The following TTC29 variants were observed in gnomAD, a reference collection of about 807,000 sequenced individuals.
TTC29 encodes the protein tetratricopeptide repeat protein 29.
In TTC29, 49 loss-of-function variants were observed where a neutral mutation model predicts 58.1. The ratio of observed to expected loss-of-function variants is 0.84; its 90% CI spans 0.67 to 1.07. The LOEUF (loss-of-function observed/expected upper bound fraction) is 1.07, where lower values mean the gene tolerates loss of function less well. TTC29 is among the 50% of genes least tolerant of loss of function. The pLI is 0.00. For missense variants in TTC29, 582 were observed against 555.6 expected (o/e 1.05, Z -0.48); for synonymous variants, 209 against 196.8 (o/e 1.06, Z -0.52).
At position 146,922,022 on chromosome 4, in the gene TTC29, AAAAAAAAAG is replaced by A. The variant is rs1055165555; in HGVS notation, c.177-12782_177-12774del. 1.1e-4 allele frequency among the ~76,000 whole-genome samples: 16 copies of A among 149,898 alleles called. No homozygotes were observed. The East Asian group carries it at 1.9e-3, about 18-fold the overall frequency. ...ATCCTGGATCCCCTACAAAAAAAAA[AAAAAAAAAG>A]AAAGAAAGAAAACACCAAAAACTAC... is the stretch of plus-strand genomic sequence containing the variant. On this transcript the variant is annotated intron_variant, in intron 4 of 12. Coordinates refer to ENST00000325106, the MANE Select transcript of TTC29 (RefSeq NM_031956.4).
At chr4:146,844,514 T>A (rs944244570) in intron 8 of TTC29, among the ~76,000 whole-genome samples, 2 of 152,104 alleles carry the variant, frequency 1.3e-5, no homozygotes, top group African/African-American at 4.8e-5. Flanking sequence ...GAAAGAAAAA[T>A]TTCCTAGCTC....
At chr4:146,817,839 T>C (rs1320761173) in intron 10 of TTC29, among the ~76,000 whole-genome samples, 1 of 152,108 alleles carries the variant, frequency 6.6e-6, no homozygotes, top group Admixed American at 6.5e-5. Context: ...GGGAAAGGAT[T>C]CCCTATTTAA....
intron 8 of TTC29, among the ~76,000 whole-genome samples, chr4:146,857,761 T>C (rs947911332): frequency 1.6e-5 from 2 of 123,262 alleles, no homozygotes; most frequent in Admixed American, 1.7e-4. Context: ...TTCTGTTTAA[T>C]GGGCAATGAG....
chr4:146,806,805 C>T (rs538873781), intron 10 of TTC29, among the ~76,000 whole-genome samples: 12 of 152,166 alleles, frequency 7.9e-5, no homozygotes, highest in Admixed American at 3.3e-4. Flanking sequence ...TTTAACACCC[C>T]ACTGTCAATA....
chr4:146,708,568 C>A (rs1234223515), intron 11 of TTC29, among the ~76,000 whole-genome samples: 1 of 150,096 alleles, frequency 6.7e-6, no homozygotes, highest in Non-Finnish European at 1.5e-5. Flanking sequence ...TGTTACTTAA[C>A]TTTAACTTTC....
intron 4 of TTC29, among the ~76,000 whole-genome samples, chr4:146,913,085 T>G (rs1211894948): frequency 6.6e-6 from 1 of 151,968 alleles, no homozygotes; most frequent in Non-Finnish European, 1.5e-5. Flanking sequence ...AGAAGGCAGT[T>G]TGGGGGGTGA....
chr4:146,780,310 T>G (rs796363236), intron 11 of TTC29, among the ~76,000 whole-genome samples: 1 of 127,332 alleles, frequency 7.9e-6, no homozygotes, highest in African/African-American at 4.1e-5. Context: ...GGGGTGTGTG[T>G]GTGTGTGTGT....
intron 11 of TTC29, among the ~76,000 whole-genome samples, chr4:146,737,263 G>A (rs1280269594): frequency 6.6e-6 from 1 of 152,098 alleles, no homozygotes; most frequent in Non-Finnish European, 1.5e-5. Context: ...ATTGGGGGAT[G>A]CATTAAAGTA....
intron 11 of TTC29, among the ~76,000 whole-genome samples, chr4:146,717,278 T>TTAG (rs1022284548): frequency 3.9e-5 from 6 of 152,170 alleles, no homozygotes; most frequent in East Asian, 1.9e-4. Context: ...GTTATTATTA[T>TTAG]TAGTAGTAGT....
chr4:146,817,775 G>A (rs769903672), intron 10 of TTC29, among the ~76,000 whole-genome samples: 7 of 152,092 alleles, frequency 4.6e-5, no homozygotes, highest in East Asian at 3.9e-4. Flanking sequence ...CAGAAATAAC[G>A]CCATGTATCT....
chr4:146,771,068 A>C (rs1367477671), intron 11 of TTC29, among the ~76,000 whole-genome samples: 2 of 152,084 alleles, frequency 1.3e-5, no homozygotes, highest in East Asian at 3.9e-4. Flanking sequence ...AATACTCAAT[A>C]AGAACAGAAG....
chr4:146,865,251 T>C (rs1730490600), intron 8 of TTC29, among the ~76,000 whole-genome samples: 1 of 152,212 alleles, frequency 6.6e-6, no homozygotes, highest in African/African-American at 2.4e-5. Context: ...ATCTATTCTA[T>C]GGATAAATTT....
chr4:146,869,862 A>G (rs1009036857), intron 7 of TTC29, among the ~76,000 whole-genome samples: 1 of 152,182 alleles, frequency 6.6e-6, no homozygotes. Flanking sequence ...AAGCAATAAC[A>G]TAACAGAGAA....
At chr4:146,710,355 G>C (rs1223364580) in intron 11 of TTC29, among the ~76,000 whole-genome samples, 1 of 152,134 alleles carries the variant, frequency 6.6e-6, no homozygotes, top group African/African-American at 2.4e-5. Flanking sequence ...GTAATGCATT[G>C]CACCACAGTG....
In TTC29 at chr4:146,748,053, C is replaced by A. The variant is rs528591244; in HGVS notation, c.1331-40502G>T. Among the ~76,000 whole-genome samples, 8 of 152,352 alleles carry A rather than the reference C, an allele frequency of 5.3e-5. 1 individual carries two copies. The highest frequency in any genetic ancestry group is 1.9e-4 in the African/African-American group (8 of 41,590). The stretch of plus-strand genomic sequence containing the variant: ...CACAGAGCCTAGGCTACTGCCACGT[C>A]CCACCATTCCAGGGTCCAGATTCCT... On this transcript the variant is annotated intron_variant, in intron 11 of 12. Transcript: ENST00000325106.
rs557580164 is a variant in TTC29 at position 146,922,264 on chromosome 4, A to C, written c.177-13015T>G. On this transcript the variant is annotated intron_variant, in intron 4 of 12. Coordinates refer to ENST00000325106, the MANE Select transcript of TTC29 (RefSeq NM_031956.4). ...GCTTTCAACTCAGGATGATAAAAAA[A>C]AACCCTAACAAAACAAATATTATGA... Among the ~76,000 whole-genome samples the C allele has an allele frequency of 7.9e-5, 12 of 151,472 alleles. No homozygotes were observed. In the East Asian group the frequency reaches 2.3e-3, roughly 29 times the overall value.
At chr4:146,804,771 A>G (rs925338545) in intron 10 of TTC29, among the ~76,000 whole-genome samples, 1 of 151,898 alleles carries the variant, frequency 6.6e-6, no homozygotes, top group South Asian at 2.1e-4. Context: ...TCTCCCTGGG[A>G]CACAGCACCT....
chr4:146,737,590 T>TAGG (rs1176250898), intron 11 of TTC29, among the ~76,000 whole-genome samples: 1 of 93,976 alleles, frequency 1.1e-5, no homozygotes, highest in Non-Finnish European at 2.2e-5. Flanking sequence ...CTAGTAGCCC[T>TAGG]GGGGGGGGGG....
chr4:146,882,871 T>C (rs1269035154), intron 6 of TTC29, among the ~76,000 whole-genome samples: 2 of 151,920 alleles, frequency 1.3e-5, no homozygotes, highest in Admixed American at 6.6e-5. Flanking sequence ...TTTAGATGAG[T>C]ATGGAGGGAG....
Sources: allele counts gnomAD v4.1 joint callset (sites outside exome capture counted in the v4.1 genomes callset), GRCh38; gene constraint gnomAD v4.1.1; transcripts MANE v1.5; gene names NCBI Gene and HGNC (gene_info 2026-07-23, HGNC 2026-07-21).